Variants in DENND6A observed in about 807,000 individuals in gnomAD.
DENND6A encodes the protein protein DENND6A.
A neutral mutation model predicts 95.5 loss-of-function variants in DENND6A; 43 were observed. That is an observed-to-expected ratio of 0.45 (90% confidence interval 0.35 to 0.58). The LOEUF (loss-of-function observed/expected upper bound fraction) is 0.58, where lower values mean the gene tolerates loss of function less well. Among genes scored for constraint, DENND6A ranks in the 20% least tolerant of loss-of-function variants. The probability of loss-of-function intolerance (pLI) is 0.00; values close to 1 mark genes in which losing one functional copy is unlikely to be tolerated. For synonymous variants in DENND6A, 257 were observed against 260.4 expected (o/e 0.99, Z 0.13); for missense variants, 574 against 736.0 (o/e 0.78, Z 2.55).
intron 3 of DENND6A, 86 bp from the exon 4 acceptor site, chr3:57,666,321 C>T: frequency 2.8e-6 from 3 of 1,087,754 alleles, no homozygotes; most frequent in Non-Finnish European, 4.0e-6. Flanking sequence ...GAAAAAAATC[C>T]TATCAATCAT....
intron 11 of DENND6A, 55 bp from the exon 12 acceptor site, chr3:57,641,802 A>T: frequency 7.0e-7 from 1 of 1,432,308 alleles, no homozygotes; most frequent in Non-Finnish European, 9.7e-7. Flanking sequence ...ATGAATGCTA[A>T]ATCAGTGAAG....
chr3:57,628,782 T>C, intron 19 of DENND6A, 29 bp downstream of exon 19: 1 of 1,600,392 alleles, frequency 6.2e-7, no homozygotes, highest in Non-Finnish European at 8.5e-7. Flanking sequence ...GAAAAGTCAA[T>C]TTAATCTTTG....
At chr3:57,686,571 CT>C (rs2077213312) in intron 1 of DENND6A, among the ~76,000 whole-genome samples, 2 of 152,130 alleles carry the variant, frequency 1.3e-5, no homozygotes, top group Non-Finnish European at 2.9e-5. Context: ...CACTTTGTGT[CT>C]CTGTGTTACA....
chr3:57,691,215 A>C (rs1447031711), intron 1 of DENND6A, among the ~76,000 whole-genome samples: 1 of 152,254 alleles, frequency 6.6e-6, no homozygotes, highest in African/African-American at 2.4e-5. Flanking sequence ...CTTGCTGTAC[A>C]TATAACTTCA....
intron 1 of DENND6A, among the ~76,000 whole-genome samples, chr3:57,685,051 T>C (rs1430139501): frequency 3.3e-5 from 5 of 151,848 alleles, no homozygotes; most frequent in Non-Finnish European, 7.4e-5. Context: ...GTAGCTGGGA[T>C]TACAGGTATG....
intron 1 of DENND6A, among the ~76,000 whole-genome samples, chr3:57,683,351 A>G (rs936055672): frequency 1.3e-5 from 2 of 152,196 alleles, no homozygotes; most frequent in Non-Finnish European, 2.9e-5. Flanking sequence ...GTATTGTATC[A>G]ATTAATCCTC....
intron 3 of DENND6A, among the ~76,000 whole-genome samples, chr3:57,671,234 G>A (rs1165639587): frequency 6.6e-6 from 1 of 152,130 alleles, no homozygotes; most frequent in African/African-American, 2.4e-5. Flanking sequence ...CACAATATTA[G>A]AAGTAACCGG....
At chr3:57,675,507 C>T (rs986670816) in intron 1 of DENND6A, among the ~76,000 whole-genome samples, 2 of 152,084 alleles carry the variant, frequency 1.3e-5, no homozygotes, top group South Asian at 2.1e-4. Flanking sequence ...TTTAAGAAAC[C>T]TCAAGGACCA....
At chr3:57,680,663 G>C (rs2077156294) in intron 1 of DENND6A, among the ~76,000 whole-genome samples, 1 of 151,490 alleles carries the variant, frequency 6.6e-6, no homozygotes, top group South Asian at 2.1e-4. Context: ...AACTAATAAG[G>C]GTCTAGTATA....
intron 9 of DENND6A, chr3:57,654,649 A>G: frequency 1.0e-6 from 1 of 985,094 alleles, no homozygotes; most frequent in Non-Finnish European, 1.2e-6. Flanking sequence ...TTCTAATCTC[A>G]CCTCAAAAAC....
intron 11 of DENND6A, among the ~76,000 whole-genome samples, chr3:57,644,327 C>T (rs1188458739): frequency 2.6e-5 from 4 of 151,896 alleles, no homozygotes; most frequent in African/African-American, 9.7e-5. Context: ...TTTTTTGAGA[C>T]AGGGTCTCAC....
chr3:57,638,554 GA>G (rs2070851051), intron 12 of DENND6A, among the ~76,000 whole-genome samples: 1 of 151,834 alleles, frequency 6.6e-6, no homozygotes, highest in Non-Finnish European at 1.5e-5. Context: ...GCGACTCGGG[GA>G]GCTAAGGCAG....
intron 19 of DENND6A, 46 bp from the exon 20 acceptor site, chr3:57,628,391 G>A (rs1308847482): frequency 6.3e-7 from 1 of 1,587,544 alleles, no homozygotes; most frequent in Non-Finnish European, 8.6e-7. Flanking sequence ...CTCAGAATCT[G>A]TATTAATACA....
At chr3:57,653,712 CT>C (rs2153414866) in intron 9 of DENND6A, among the ~76,000 whole-genome samples, 2 of 147,040 alleles carry the variant, frequency 1.4e-5, no homozygotes, top group African/African-American at 5.1e-5. Context: ...CACCACTGCA[CT>C]CCGGCCTGGG....
At chr3:57,690,741 AT>A (rs1319206365) in intron 1 of DENND6A, among the ~76,000 whole-genome samples, 2 of 152,096 alleles carry the variant, frequency 1.3e-5, no homozygotes, top group African/African-American at 4.8e-5. Context: ...GGAACATGAA[AT>A]ATAAACAAGA....
intron 5 of DENND6A, among the ~76,000 whole-genome samples, chr3:57,662,189 T>C (rs972434211): frequency 8.2e-6 from 1 of 121,434 alleles, no homozygotes; most frequent in South Asian, 2.8e-4. Flanking sequence ...TTTTTTCTTT[T>C]TTTTTTTTTT....
chr3:57,671,193 T>C (rs2071610293), intron 3 of DENND6A, among the ~76,000 whole-genome samples: 1 of 152,130 alleles, frequency 6.6e-6, no homozygotes, highest in African/African-American at 2.4e-5. Flanking sequence ...AACTGTCAAA[T>C]CTCTCAAATC....
intron 1 of DENND6A, among the ~76,000 whole-genome samples, chr3:57,683,678 C>T (rs2077186066): frequency 6.6e-6 from 1 of 152,092 alleles, no homozygotes. Flanking sequence ...CTATTACTAC[C>T]AAGAATTTAA....
At chr3:57,646,043 T>C (rs970709680) in intron 10 of DENND6A, among the ~76,000 whole-genome samples, 3 of 152,156 alleles carry the variant, frequency 2.0e-5, no homozygotes, top group Non-Finnish European at 4.4e-5. Flanking sequence ...CAAGTAATAT[T>C]TATCAAGGAA....
Sources: gnomAD v4.1 joint callset for allele counts (sites outside exome capture counted in the v4.1 genomes callset) on GRCh38, gnomAD v4.1.1 for gene constraint, MANE v1.5 for transcripts, NCBI Gene and HGNC (gene_info 2026-07-23, HGNC 2026-07-21) for gene names.